The following NBAS variants were observed in gnomAD, a reference collection of about 807,000 sequenced individuals.
NBAS encodes NAG/BC035112 fusion.
NBAS carries 219 observed loss-of-function variants against 302.5 expected under a neutral mutation model. That is an observed-to-expected ratio of 0.72 (90% CI 0.65 to 0.81). NBAS has a LOEUF of 0.81. Among genes scored for constraint, NBAS ranks in the 30% least tolerant of loss-of-function variants. The pLI, the probability that NBAS is intolerant of heterozygous loss-of-function variation, is 0.00. For missense variants in NBAS, 2,932 were observed against 2,841.6 expected (o/e 1.03, Z -0.72); for synonymous variants, 1,118 against 1,021.6 (o/e 1.09, Z -1.80).
At chr2:15,036,630 G>A in the NBAS span, among the ~76,000 whole-genome samples, 1 of 152,158 alleles carries the variant, frequency 6.6e-6, no homozygotes, top group African/African-American at 2.4e-5. Flanking sequence ...AGATATAACT[G>A]GAGGGATCTG....
intron 28 of NBAS, among the ~76,000 whole-genome samples, chr2:15,384,263 C>G (rs890954530): frequency 5.3e-5 from 8 of 152,156 alleles, no homozygotes; most frequent in Non-Finnish European, 1.2e-4. Context: ...CAAATTCACC[C>G]ATAGTCACAA....
the NBAS span, among the ~76,000 whole-genome samples, chr2:14,911,471 G>C: frequency 6.6e-6 from 1 of 152,196 alleles, no homozygotes; most frequent in Non-Finnish European, 1.5e-5. Context: ...GACTCTCTGA[G>C]AGAGGGGCAT....
At chr2:15,464,888 A>T (rs1679655862) in intron 19 of NBAS, among the ~76,000 whole-genome samples, 1 of 152,322 alleles carries the variant, frequency 6.6e-6, no homozygotes, top group Middle Eastern at 3.4e-3. Context: ...CAACAGCATG[A>T]CACTTGCTTT....
intron 44 of NBAS, among the ~76,000 whole-genome samples, chr2:15,257,437 C>CCCTG (rs1668653319): frequency 6.7e-6 from 1 of 149,004 alleles, no homozygotes; most frequent in Admixed American, 6.7e-5. Flanking sequence ...CTGTCACTCA[C>CCCTG]CCTGGAGTGC....
At chr2:14,959,456 G>A in the NBAS span, among the ~76,000 whole-genome samples, 4 of 152,160 alleles carry the variant, frequency 2.6e-5, no homozygotes, top group Non-Finnish European at 5.9e-5. Flanking sequence ...TTGTGGACCA[G>A]AGCAATCTTT....
chr2:15,158,407 C>T, the NBAS span, among the ~76,000 whole-genome samples: 1 of 152,332 alleles, frequency 6.6e-6, no homozygotes, highest in East Asian at 1.9e-4. Context: ...AAGGCCCCTG[C>T]CTGGGGTTAC....
chr2:15,553,723 C>G (rs549596357), intron 4 of NBAS, among the ~76,000 whole-genome samples: 2 of 146,210 alleles, frequency 1.4e-5, no homozygotes, highest in African/African-American at 5.1e-5. Context: ...TCCCTCTCTC[C>G]CCCTCGCTCC....
chr2:15,499,207 C>T (rs563020478), intron 11 of NBAS, among the ~76,000 whole-genome samples: 24 of 152,170 alleles, frequency 1.6e-4, no homozygotes, highest in Non-Finnish European at 2.6e-4. Context: ...GGATTACAGG[C>T]GTGAGCCACT....
At chr2:15,448,392 T>TA (rs1678851033) in intron 21 of NBAS, among the ~76,000 whole-genome samples, 1 of 152,206 alleles carries the variant, frequency 6.6e-6, no homozygotes, top group Non-Finnish European at 1.5e-5. Context: ...ATGTATCGCT[T>TA]ACGTTACTTA....
chr2:14,987,396 T>C, the NBAS span, among the ~76,000 whole-genome samples: 5 of 152,056 alleles, frequency 3.3e-5, no homozygotes, highest in East Asian at 9.6e-4. Flanking sequence ...TGTACTAGAT[T>C]GAGTGGTGTT....
the NBAS span, among the ~76,000 whole-genome samples, chr2:14,969,411 T>G: frequency 2.0e-5 from 3 of 152,270 alleles, no homozygotes; most frequent in Admixed American, 2.0e-4. Flanking sequence ...AGTCTCATAC[T>G]TGTCGCCCAG....
chr2:15,331,816 T>C (rs1429074859), intron 35 of NBAS, among the ~76,000 whole-genome samples: 2 of 152,178 alleles, frequency 1.3e-5, no homozygotes, highest in African/African-American at 2.4e-5. Context: ...CCTGTGACTA[T>C]GTAACATGCC....
the NBAS span, among the ~76,000 whole-genome samples, chr2:14,993,566 C>T: frequency 1.3e-5 from 2 of 152,128 alleles, no homozygotes; most frequent in African/African-American, 4.8e-5. Context: ...CTAATTGGTC[C>T]AAATAATTTT....
At chr2:14,967,251 TTCAA>T in the NBAS span, among the ~76,000 whole-genome samples, 1 of 152,248 alleles carries the variant, frequency 6.6e-6, no homozygotes, top group East Asian at 1.9e-4. Flanking sequence ...TCAATGCAAT[TTCAA>T]TCAAACTACT....
the NBAS span, among the ~76,000 whole-genome samples, chr2:15,000,255 G>A: frequency 6.6e-6 from 1 of 152,232 alleles, no homozygotes; most frequent in Admixed American, 6.5e-5. Context: ...GTATCTGAAA[G>A]TAAAGTGCTT....
At chr2:15,121,161 T>C in the NBAS span, among the ~76,000 whole-genome samples, 14 of 152,332 alleles carry the variant, frequency 9.2e-5, no homozygotes, top group Admixed American at 5.9e-4. Flanking sequence ...GTTTTCCTCA[T>C]GGGCAATCTT....
At chr2:15,007,572 G>A in the NBAS span, among the ~76,000 whole-genome samples, 2 of 152,120 alleles carry the variant, frequency 1.3e-5, no homozygotes, top group African/African-American at 2.4e-5. Flanking sequence ...AGTATGTAGA[G>A]TTAGTGTAAA....
the NBAS span, among the ~76,000 whole-genome samples, chr2:14,915,455 T>C: frequency 2.0e-5 from 3 of 152,210 alleles, no homozygotes; most frequent in Non-Finnish European, 4.4e-5. Context: ...GTAGCTCCCA[T>C]AATTCTCGCT....
the NBAS span, among the ~76,000 whole-genome samples, chr2:14,878,803 G>A: frequency 0.036 from 5,468 of 152,120 alleles, 136 homozygotes; most frequent in Non-Finnish European, 0.051. Context: ...ACAGTGACAC[G>A]TCATTATCAC....
Sources: allele counts gnomAD v4.1 joint callset (sites outside exome capture counted in the v4.1 genomes callset), GRCh38; gene constraint gnomAD v4.1.1; transcripts MANE v1.5; gene names NCBI Gene and HGNC (gene_info 2026-07-23, HGNC 2026-07-21).